The following ARAP2 variants were observed in gnomAD, a reference collection of about 807,000 sequenced individuals.
ARAP2 encodes arf-GAP with Rho-GAP domain, ANK repeat and PH domain-containing protein 2.
ARAP2 carries 148 observed loss-of-function variants against 194.5 expected under a neutral mutation model. The observed-to-expected ratio is 0.76, with a 90% confidence interval of 0.67 to 0.87. The LOEUF is 0.87. ARAP2 is among the 40% of genes least tolerant of loss of function. The pLI is 0.00. For synonymous variants in ARAP2, 695 were observed against 683.5 expected (o/e 1.02, Z -0.26); for missense variants, 2,128 against 1,989.7 (o/e 1.07, Z -1.32).
chr4:36,192,820 A>C (rs907424540), intron 7 of ARAP2, among the ~76,000 whole-genome samples: 1 of 152,166 alleles, frequency 6.6e-6, no homozygotes, highest in Non-Finnish European at 1.5e-5. Context: ...AACATGGTGA[A>C]ACCTTGTCTC....
chr4:36,079,039 T>C (rs1728884212), intron 31 of ARAP2, among the ~76,000 whole-genome samples: 4 of 151,846 alleles, frequency 2.6e-5, no homozygotes, highest in South Asian at 2.1e-4. Context: ...CTGGGCACGG[T>C]GGTGCACGCC....
At chr4:36,161,053 G>C (rs775871377) in intron 12 of ARAP2, among the ~76,000 whole-genome samples, 2 of 151,964 alleles carry the variant, frequency 1.3e-5, no homozygotes, top group African/African-American at 4.8e-5. Context: ...TAATGACAGA[G>C]TACGGCCAAG....
intron 6 of ARAP2, among the ~76,000 whole-genome samples, chr4:36,016,682 T>C (rs1715865266): frequency 6.6e-6 from 1 of 152,162 alleles, no homozygotes; most frequent in East Asian, 1.9e-4. Flanking sequence ...TTGATACTCT[T>C]TTAATTTTTA....
chr4:36,111,097 T>C (rs139160919), intron 26 of ARAP2, among the ~76,000 whole-genome samples: 4 of 152,114 alleles, frequency 2.6e-5, no homozygotes, highest in Non-Finnish European at 4.4e-5. Flanking sequence ...GTTTAAAATA[T>C]ACAGATACTT....
At chr4:36,041,038 C>T (rs1301709887) in intron 5 of ARAP2, among the ~76,000 whole-genome samples, 2 of 150,988 alleles carry the variant, frequency 1.3e-5, no homozygotes, top group African/African-American at 2.4e-5. Context: ...TTTTTTTTTA[C>T]ATGAACAGAT....
chr4:36,090,787 A>G (rs1005252210), intron 28 of ARAP2, among the ~76,000 whole-genome samples: 8 of 152,152 alleles, frequency 5.3e-5, no homozygotes, highest in Non-Finnish European at 7.4e-5. Context: ...ATTAGAAAAA[A>G]CAACTAATAA....
chr4:36,113,883 T>C (rs895287885), intron 26 of ARAP2, among the ~76,000 whole-genome samples: 5 of 152,020 alleles, frequency 3.3e-5, no homozygotes, highest in African/African-American at 4.8e-5. Context: ...CTCAGAATAT[T>C]GTGCCAAATC....
intron 9 of ARAP2, among the ~76,000 whole-genome samples, chr4:36,007,682 A>T (rs1039333942): frequency 6.6e-6 from 1 of 152,208 alleles, no homozygotes; most frequent in Non-Finnish European, 1.5e-5. Context: ...TAGATATTTC[A>T]ATACGCCCAT....
rs762133143 is a variant in ARAP2, at chr4:36,161,560, A to G, written c.2174-10T>C. On this transcript the variant is annotated splice_polypyrimidine_tract_variant and intron_variant, in intron 11 of 32. Coordinates refer to ENST00000303965, the MANE Select transcript of ARAP2 (RefSeq NM_015230.4). ...AAAGATCTATGCTGTCCTAGAGTCA[A>G]AACACAATTGCATTTCTATTTTAAT... 1.3e-6 allele frequency: 2 copies of G among 1,594,760 alleles called. No individual in the cohort carries two copies. Among genetic ancestry groups the G allele is most frequent in the African/African-American group, 2.7e-5 (2 of 74,510 alleles).
intron 5 of ARAP2, among the ~76,000 whole-genome samples, chr4:36,026,765 C>T (rs1165209873): frequency 6.6e-6 from 1 of 152,186 alleles, no homozygotes; most frequent in Non-Finnish European, 1.5e-5. Flanking sequence ...CATCAGGGTG[C>T]CTCTCGGGAC....
intron 28 of ARAP2, among the ~76,000 whole-genome samples, chr4:36,086,449 T>C (rs1393374814): frequency 6.6e-6 from 1 of 152,094 alleles, no homozygotes; most frequent in Admixed American, 6.6e-5. Flanking sequence ...AGATCAGCAA[T>C]TGTAGAAACA....
At chr4:36,125,870 G>A (rs1474927983) in intron 21 of ARAP2, among the ~76,000 whole-genome samples, 1 of 151,964 alleles carries the variant, frequency 6.6e-6, no homozygotes, top group African/African-American at 2.4e-5. Context: ...ACTATCTTTG[G>A]AAACAAGACG....
intron 20 of ARAP2, among the ~76,000 whole-genome samples, chr4:36,133,013 AG>A (rs1725790043): frequency 6.6e-6 from 1 of 151,778 alleles, no homozygotes; most frequent in Non-Finnish European, 1.5e-5. Context: ...ATGCATATAA[AG>A]GAAGGAGCAA....
chr4:36,190,316 C>T (rs527967866), intron 7 of ARAP2, among the ~76,000 whole-genome samples: 2 of 152,302 alleles, frequency 1.3e-5, no homozygotes, highest in East Asian at 1.9e-4. Context: ...GTGATTTAAA[C>T]GGTGACTTTA....
Position 36,067,795 on chromosome 4 carries a change from C to G in ARAP2, c.*112G>C. Reference sequence around the variant, plus strand: ...AAATGCCTAAGCATAGACAAATTTGCCTATCAATAGGCAAATTCTTATGAA... The same window carrying G: ...AAATGCCTAAGCATAGACAAATTTGGCTATCAATAGGCAAATTCTTATGAA... On this transcript the variant is annotated 3_prime_UTR_variant, in exon 33 of 33. Coordinates refer to ENST00000303965, the MANE Select transcript of ARAP2 (RefSeq NM_015230.4). The G allele has an allele frequency of 8.0e-7, 1 of 1,245,962 alleles. No homozygotes were observed. The highest frequency in any genetic ancestry group is 1.1e-6 in the Non-Finnish European group (1 of 919,088). The allele number at this position is 1,245,962 out of a possible 1,614,324, so 77.2% of individuals were successfully genotyped here.
chr4:36,141,445 G>A (rs1322159561), intron 19 of ARAP2, among the ~76,000 whole-genome samples: 1 of 151,634 alleles, frequency 6.6e-6, no homozygotes, highest in African/African-American at 2.4e-5. Flanking sequence ...GAGCAAAAAT[G>A]CTGTGTGTGT....
chr4:36,031,886 C>T (rs1485008673), intron 5 of ARAP2, among the ~76,000 whole-genome samples: 1 of 152,064 alleles, frequency 6.6e-6, no homozygotes, highest in African/African-American at 2.4e-5. Flanking sequence ...ACAGGCTGGT[C>T]TTGAACTCCT....
chr4:36,078,339 T>C (rs1479830376), intron 31 of ARAP2, among the ~76,000 whole-genome samples: 1 of 152,058 alleles, frequency 6.6e-6, no homozygotes, highest in Admixed American at 6.6e-5. Context: ...TCTCTGAGAA[T>C]GGGATATTTA....
At chr4:36,163,726 T>C (rs1245934218) in intron 11 of ARAP2, among the ~76,000 whole-genome samples, 4 of 151,530 alleles carry the variant, frequency 2.6e-5, no homozygotes, top group Non-Finnish European at 5.9e-5. Context: ...AGTGAATAAA[T>C]GACGAACATG....
Sources: allele counts gnomAD v4.1 joint callset (sites outside exome capture counted in the v4.1 genomes callset), GRCh38; gene constraint gnomAD v4.1.1; transcripts MANE v1.5; gene names NCBI Gene and HGNC (gene_info 2026-07-23, HGNC 2026-07-21).